The following ZNF254 variants were observed in gnomAD, a reference collection of about 807,000 sequenced individuals.
The protein encoded by ZNF254 is zinc finger protein 254.
In ZNF254, 10 loss-of-function variants were observed where a neutral mutation model predicts 12.4. That is an observed-to-expected ratio of 0.80 (90% CI 0.50 to 1.36). The LOEUF (loss-of-function observed/expected upper bound fraction) is 1.36, where lower values mean the gene tolerates loss of function less well. ZNF254 is among the 40% of genes most tolerant of loss of function. The pLI is 0.00. For synonymous variants in ZNF254, 305 were observed against 253.4 expected (o/e 1.20, Z -1.93); for missense variants, 996 against 763.9 (o/e 1.30, Z -3.58).
At chr19:24,117,692 C>T (rs1461554513) in intron 3 of ZNF254, among the ~76,000 whole-genome samples, 1 of 152,062 alleles carries the variant, frequency 6.6e-6, no homozygotes, top group East Asian at 1.9e-4. Context: ...CCACGCTTTG[C>T]TGCCCCCACT....
rs1264954508 is a variant in ZNF254 at position 24,106,519 on chromosome 19, G to A, written c.158-29G>A. The A allele has an allele frequency of 2.6e-6, 4 of 1,538,468 alleles. No homozygotes were observed. The African/African-American group carries it at 5.5e-5, about 21-fold the overall frequency. On this transcript the variant is annotated intron_variant, in intron 2 of 3. Coordinates refer to ENST00000357002, the MANE Select transcript of ZNF254 (RefSeq NM_203282.4). ...GTTGGTAATTGGAGAATATAAGCAAGATTCATTTAGTTATTTTTAATAAAA... is the reference window on the plus strand; with the variant it reads ...GTTGGTAATTGGAGAATATAAGCAAAATTCATTTAGTTATTTTTAATAAAA...
upstream of ZNF254, among the ~76,000 whole-genome samples, chr19:24,082,667 A>C (rs1490706030): frequency 8.4e-4 from 123 of 145,890 alleles, 1 homozygote; most frequent in African/African-American, 3.0e-3. Context: ...CAAAAAAAAA[A>C]AACCCAAAAA....
chr19:24,109,357 A>G (rs1973525576), intron 3 of ZNF254, among the ~76,000 whole-genome samples: 1 of 152,222 alleles, frequency 6.6e-6, no homozygotes, highest in African/African-American at 2.4e-5. Flanking sequence ...GCAGTTATCT[A>G]GACAAATTGT....
At chr19:24,099,120 C>T (rs561887421) in intron 1 of ZNF254, 17 of 150,442 alleles carry the variant, frequency 1.1e-4, no homozygotes, top group East Asian at 9.8e-4. Context: ...CCTCAGCCTC[C>T]GAGTAGCTGA....
intron 3 of ZNF254, among the ~76,000 whole-genome samples, chr19:24,117,591 G>C (rs746307396): frequency 3.3e-5 from 5 of 152,126 alleles, no homozygotes; most frequent in Admixed American, 2.6e-4. Flanking sequence ...TCCAGATGCC[G>C]TCTGTCACCC....
At chr19:24,094,288 G>T (rs1292265352) in intron 1 of ZNF254, among the ~76,000 whole-genome samples, 1 of 151,996 alleles carries the variant, frequency 6.6e-6, no homozygotes, top group Non-Finnish European at 1.5e-5. Context: ...TTTTGAGATG[G>T]AGTCTTGCTC....
rs1400381431 is a variant in ZNF254 at position 24,126,709 on chromosome 19, C to A, written c.709C>A (p.Pro237Thr). ...NHRKIYTEEK[P>T]YKCEEYNKSP... is the part of the protein sequence containing the mutation. ...TAGGAAAATTTATACTGAAGAGAAA[C>A]CTTACAAATGTGAAGAATATAACAA... Residue 237 changes from proline (P) to threonine (T), a missense_variant, in exon 4 of 4, where the codon CCT becomes ACT. Transcript: ENST00000357002. The A allele has an allele frequency of 4.3e-6, 7 of 1,613,336 alleles. No homozygotes were observed. In the African/African-American group the frequency reaches 6.7e-5, roughly 15 times the overall value.
chr19:24,069,653 CA>C (rs1334146176), intron 2 of ZNF254, among the ~76,000 whole-genome samples: 5 of 148,194 alleles, frequency 3.4e-5, no homozygotes, highest in Non-Finnish European at 7.4e-5. Flanking sequence ...TGTGGTGGCT[CA>C]CACCTGTAAT....
chr19:24,110,181 T>A (rs1190152440), intron 3 of ZNF254, among the ~76,000 whole-genome samples: 2 of 152,176 alleles, frequency 1.3e-5, no homozygotes, highest in Non-Finnish European at 2.9e-5. Flanking sequence ...AAAAGATGTA[T>A]AATTCTGTAT....
At chr19:24,118,578 A>C (rs1974268886) in intron 3 of ZNF254, among the ~76,000 whole-genome samples, 1 of 152,094 alleles carries the variant, frequency 6.6e-6, no homozygotes, top group South Asian at 2.1e-4. Flanking sequence ...TTTAGTTTTA[A>C]AAGTCGTTTC....
chr19:24,126,543 T>C lies in ZNF254; in HGVS notation c.543T>C (p.Ser181=). ...RPKIRHTEKK[S]FKCKKRVKLF... is the part of the protein sequence containing the mutation. ...AGATAAGACATACTGAAAAGAAATC[T>C]TTCAAATGTAAAAAACGTGTCAAAT... The change falls in exon 4 of 4, where the codon TCT becomes TCC. Residue 181 remains serine (S), a synonymous_variant. Coordinates refer to ENST00000357002, the MANE Select transcript of ZNF254 (RefSeq NM_203282.4). 6.2e-7 allele frequency: 1 copy of C among 1,602,186 alleles called. No individual in the cohort carries two copies. The highest frequency in any genetic ancestry group is 1.1e-5 in the South Asian group (1 of 88,160).
chr19:24,049,184 T>TTATATATATATA (rs1159690517), intron 2 of ZNF254, among the ~76,000 whole-genome samples: 11 of 63,156 alleles, frequency 1.7e-4, no homozygotes, highest in South Asian at 1.3e-3. Flanking sequence ...GGCTCTGGTT[T>TTATATATATATA]TATATATATA....
intron 2 of ZNF254, among the ~76,000 whole-genome samples, chr19:24,075,069 A>G (rs1193294499): frequency 6.6e-6 from 1 of 152,284 alleles, no homozygotes; most frequent in African/African-American, 2.4e-5. Flanking sequence ...AGTCTTCTGC[A>G]TGGACTCTTT....
chr19:24,085,088 C>T (rs529278502), upstream of ZNF254, among the ~76,000 whole-genome samples: 6 of 151,610 alleles, frequency 4.0e-5, no homozygotes, highest in South Asian at 8.4e-4. Flanking sequence ...CGCGCCACCA[C>T]GCCCAGCTAA....
Position 24,091,836 on chromosome 19 carries a change from A to G in ZNF254, c.30+4499A>G, listed in dbSNP as rs986587623. ...ATTTTTGAGTTTAATGCTAAATTTT[A>G]TGTGATGAAACTTGGTACCTCCTAG... On this transcript the variant is annotated intron_variant, in intron 1 of 3. Coordinates refer to ENST00000357002, the MANE Select transcript of ZNF254 (RefSeq NM_203282.4). 2.0e-5 allele frequency: 20 copies of G among 979,572 alleles called. No homozygotes were observed. The South Asian group carries it at 3.3e-4, about 16-fold the overall frequency. The allele number at this position is 979,572 out of a possible 1,614,324, so 60.7% of individuals were successfully genotyped here. A position where few individuals can be genotyped will look rare whatever the true frequency, so the allele number is the denominator to read the frequency against.
intron 2 of ZNF254, among the ~76,000 whole-genome samples, chr19:24,050,887 A>G (rs1326120191): frequency 6.6e-6 from 1 of 151,718 alleles, no homozygotes; most frequent in Non-Finnish European, 1.5e-5. Context: ...TTTTCAGTAG[A>G]GATGGGGTTT....
chr19:24,102,358 A>G (rs1973086373), intron 1 of ZNF254, among the ~76,000 whole-genome samples: 1 of 151,942 alleles, frequency 6.6e-6, no homozygotes, highest in Non-Finnish European at 1.5e-5. Context: ...GGGCTAAAAA[A>G]GATTAAAATT....
chr19:24,062,772 A>T (rs1367173196), intron 2 of ZNF254, among the ~76,000 whole-genome samples: 2 of 152,048 alleles, frequency 1.3e-5, no homozygotes, highest in African/African-American at 4.8e-5. Context: ...AATTCAGCAC[A>T]CCTTTGTGAC....
intron 2 of ZNF254, among the ~76,000 whole-genome samples, chr19:24,055,138 G>A (rs1337154131): frequency 1.5e-5 from 2 of 134,136 alleles, no homozygotes; most frequent in Admixed American, 1.8e-4. Flanking sequence ...GGGAGGTGGA[G>A]GTTGCATTGA....
Sources: allele counts gnomAD v4.1 joint callset (sites outside exome capture counted in the v4.1 genomes callset), GRCh38; gene constraint gnomAD v4.1.1; transcripts MANE v1.5; gene names NCBI Gene and HGNC (gene_info 2026-07-23, HGNC 2026-07-21).